Variants in MN1 observed in about 807,000 individuals in gnomAD.
MN1 encodes transcriptional activator MN1.
A neutral mutation model predicts 86.9 loss-of-function variants in MN1; 19 were observed. The observed-to-expected ratio is 0.22, with a 90% CI of 0.15 to 0.32. MN1 has a LOEUF of 0.32. Ranked by LOEUF, MN1 falls within the 10% of genes least tolerant of loss-of-function variation. The pLI, the probability that MN1 is intolerant of heterozygous loss-of-function variation, is 1.00. For missense variants in MN1, 1,841 were observed against 1,862.0 expected, an observed-to-expected ratio of 0.99 and a Z score of 0.21; for synonymous variants, 928 against 849.6, an observed-to-expected ratio of 1.09 and a Z score of -1.60.
At position 27,799,731 on chromosome 22, in the gene MN1, C is replaced by T. The variant is rs1260341681; in HGVS notation, c.813G>A (p.Pro271=). Residue 271 remains proline, a synonymous_variant, in exon 1 of 2, where the codon CCG becomes CCA. Coordinates refer to ENST00000302326, the MANE Select transcript of MN1 (RefSeq NM_002430.3). ...CAGCTCTGGGCATGGCCGAGGCGCC[C>T]GGGAAAGCGCCCCCAGGAACCTGGC... ...AGRQVPGGAF[P]GASAMPRAAG... is the part of the protein sequence containing the mutation. The T allele has an allele frequency of 6.3e-7, 1 of 1,578,226 alleles. No homozygotes were observed. Among genetic ancestry groups the T allele is most frequent in the Non-Finnish European group, 8.6e-7 (1 of 1,162,564 alleles).
chr22:27,799,263 G>A lies in MN1; in HGVS notation c.1281C>T (p.Phe427=), dbSNP rs1267000060. 1 of 1,582,426 alleles carries A rather than the reference G, an allele frequency of 6.3e-7. No individual in the cohort carries two copies. Among genetic ancestry groups the A allele is most frequent in the Admixed American group, 1.8e-5 (1 of 56,624 alleles). Residue 427 remains phenylalanine, a synonymous_variant, in exon 1 of 2, where the codon TTC becomes TTT. Transcript: ENST00000302326. ...GCTGCGGAGGAGGATGCTGCATGCT[G>A]AAAACAGGCTCGGAATAAGGGTGCA... is the stretch of plus-strand genomic sequence containing the variant. The part of the protein sequence containing the change: ...RSMHPYSEPV[F]SMQHPPPQQA...
At chr22:27,777,106 T>C (rs1395457443) in intron 1 of MN1, among the ~76,000 whole-genome samples, 1 of 152,190 alleles carries the variant, frequency 6.6e-6, no homozygotes, top group Non-Finnish European at 1.5e-5. Flanking sequence ...CCACCTTTAT[T>C]TGATTAAACC....
intron 1 of MN1, among the ~76,000 whole-genome samples, chr22:27,795,116 G>A (rs1185356194): frequency 2.6e-5 from 4 of 152,110 alleles, no homozygotes; most frequent in African/African-American, 7.2e-5. Context: ...CCAATTTATG[G>A]CCTTGCCTGG....
At chr22:27,763,684 G>A (rs5762347) in intron 1 of MN1, among the ~76,000 whole-genome samples, 64,226 of 152,152 alleles carry the variant, frequency 0.42, 14,777 homozygotes, top group East Asian at 0.63. Flanking sequence ...ACGTGGCAAT[G>A]AGCTGATCAC....
intron 1 of MN1, among the ~76,000 whole-genome samples, chr22:27,770,129 T>C (rs1205418318): frequency 6.6e-6 from 1 of 152,170 alleles, no homozygotes; most frequent in Non-Finnish European, 1.5e-5. Context: ...GAGAACACAG[T>C]CCAAGCTTCA....
Position 27,798,270 on chromosome 22 carries a change from G to C in MN1, c.2274C>G (p.His758Gln). 1 of 1,529,216 alleles carries C rather than the reference G, an allele frequency of 6.5e-7. No individual in the cohort carries two copies. Among genetic ancestry groups the C allele is most frequent in the African/African-American group, 1.4e-5 (1 of 72,016 alleles). 94.7% of individuals were successfully genotyped at this position (1,529,216 alleles called of 1,614,324 possible). Reference sequence around the variant, plus strand: ...GGGGCGAGTTCACGCCTGGACCGCTGTGCGGCGTGGACTGCCGGCCGGCTG... The same window carrying C: ...GGGGCGAGTTCACGCCTGGACCGCTCTGCGGCGTGGACTGCCGGCCGGCTG... ...FGAAGRQSTP[H>Q]SGPGVNSPPS... The change falls in exon 1 of 2, where the codon CAC (histidine) becomes CAG (glutamine). Residue 758 changes from histidine to glutamine, a missense_variant. Transcript: ENST00000302326.
intron 1 of MN1, among the ~76,000 whole-genome samples, chr22:27,752,934 G>C (rs45608835): frequency 6.6e-6 from 1 of 152,170 alleles, no homozygotes; most frequent in African/African-American, 2.4e-5. Context: ...TCACCGGCCC[G>C]CCCTGCCCTC....
intron 1 of MN1, among the ~76,000 whole-genome samples, chr22:27,788,458 TAG>T (rs1933166994): frequency 1.3e-5 from 2 of 152,108 alleles, no homozygotes; most frequent in Admixed American, 1.3e-4. Flanking sequence ...CAAAGCAGGC[TAG>T]GTTTTCTGCC....
At chr22:27,752,136 G>A (rs1169552257) in intron 1 of MN1, among the ~76,000 whole-genome samples, 1 of 152,154 alleles carries the variant, frequency 6.6e-6, no homozygotes, top group Non-Finnish European at 1.5e-5. Context: ...CCAACCTAAT[G>A]GCTGAGAGAA....
chr22:27,800,673 C>G lies in MN1; in HGVS notation c.-130G>C. 1.5e-6 allele frequency: 2 copies of G among 1,302,296 alleles called. No homozygotes were observed. The highest frequency in any genetic ancestry group is 2.1e-6 in the Non-Finnish European group (2 of 947,292). The allele number at this position is 1,302,296 out of a possible 1,614,324, so 80.7% of individuals were successfully genotyped here. Reference sequence around the variant, plus strand: ...CGCTCAGCACCGCGGGGGCTCAGCGCGCACCTCCACCCCGCCTGATGTGAG... The same window carrying G: ...CGCTCAGCACCGCGGGGGCTCAGCGGGCACCTCCACCCCGCCTGATGTGAG... On this transcript the variant is annotated 5_prime_UTR_variant, in exon 1 of 2. Coordinates refer to ENST00000302326, the MANE Select transcript of MN1 (RefSeq NM_002430.3).
chr22:27,785,839 G>A (rs1397416055), intron 1 of MN1, among the ~76,000 whole-genome samples: 2 of 147,318 alleles, frequency 1.4e-5, no homozygotes, highest in Non-Finnish European at 1.5e-5. Flanking sequence ...CGTAATTACC[G>A]GAAACGACTC....
At chr22:27,774,083 C>G (rs530611024) in intron 1 of MN1, among the ~76,000 whole-genome samples, 1 of 152,198 alleles carries the variant, frequency 6.6e-6, no homozygotes, top group Non-Finnish European at 1.5e-5. Flanking sequence ...CTTCACCTCC[C>G]GTGTGCCCAG....
At chr22:27,761,960 G>A (rs1185267122) in intron 1 of MN1, among the ~76,000 whole-genome samples, 3 of 152,218 alleles carry the variant, frequency 2.0e-5, no homozygotes, top group Non-Finnish European at 4.4e-5. Flanking sequence ...GGGAATGCGG[G>A]GGGAGGCTGA....
Position 27,797,958 on chromosome 22 carries a change from C to A in MN1, c.2586G>T (p.Gln862His). 6.3e-7 allele frequency: 1 copy of A among 1,594,570 alleles called. No individual in the cohort carries two copies. The change falls in exon 1 of 2, where the codon CAG becomes CAT. Residue 862 changes from glutamine to histidine, a missense_variant. Coordinates refer to ENST00000302326, the MANE Select transcript of MN1 (RefSeq NM_002430.3). ...NPPEGKRKLS[Q>H]NETDGAAVAG... is the part of the protein sequence containing the mutation. ...CCACTGCCGCGCCGTCGGTCTCGTTCTGGCTCAGTTTCCTCTTGCCCTCTG... is the reference window on the plus strand; with the variant it reads ...CCACTGCCGCGCCGTCGGTCTCGTTATGGCTCAGTTTCCTCTTGCCCTCTG...
intron 1 of MN1, among the ~76,000 whole-genome samples, chr22:27,794,530 G>C (rs1297161817): frequency 6.6e-6 from 1 of 152,178 alleles, no homozygotes; most frequent in Non-Finnish European, 1.5e-5. Context: ...TAGCTTACAG[G>C]AGAAATCAAC....
intron 1 of MN1, among the ~76,000 whole-genome samples, chr22:27,760,898 G>T (rs1932830229): frequency 6.6e-6 from 1 of 152,216 alleles, no homozygotes; most frequent in African/African-American, 2.4e-5. Context: ...TGACCTGCAG[G>T]CTCAGTCGGT....
intron 1 of MN1, among the ~76,000 whole-genome samples, chr22:27,771,865 A>T (rs1398700929): frequency 6.6e-6 from 1 of 152,180 alleles, no homozygotes; most frequent in African/African-American, 2.4e-5. Flanking sequence ...TAATTTGCCC[A>T]AGGTCCCACA....
chr22:27,800,436 G>A lies in MN1; in HGVS notation c.108C>T (p.Ala36=). 2 of 1,614,222 alleles carry A rather than the reference G, an allele frequency of 1.2e-6. No homozygotes were observed. Among genetic ancestry groups the A allele is most frequent in the South Asian group, 1.1e-5 (1 of 91,090 alleles). The change falls in exon 1 of 2, where the codon GCC becomes GCT. Residue 36 remains alanine, a synonymous_variant. Coordinates refer to ENST00000302326, the MANE Select transcript of MN1 (RefSeq NM_002430.3). ...GGGGCCCCCCAGTGTGGAAAGCCGG[G>A]GCCTTAAAGTGGGTGTTCATGCTCA... ...TGLSMNTHFK[A]PAFHTGGPPG...
Position 27,797,091 on chromosome 22 carries a change from G to T in MN1, c.3453C>A (p.His1151Gln). The T allele has an allele frequency of 1.2e-6, 2 of 1,608,630 alleles. No individual in the cohort carries two copies. Among genetic ancestry groups the T allele is most frequent in the Non-Finnish European group, 1.7e-6 (2 of 1,178,204 alleles). ...TCTGCGCCTGAAGGATCTCCAGGGG[G>T]TGGATCTCGTCGGGTGGCGGGGCGC... The part of the protein sequence containing the change: ...SSGAPPPDEI[H>Q]PLEILQAQIQ... Residue 1151 changes from histidine (H) to glutamine (Q), a missense_variant, in exon 1 of 2, where the codon CAC (histidine) becomes CAA (glutamine). Transcript: ENST00000302326.
Sources: gnomAD v4.1 joint callset for allele counts (sites outside exome capture counted in the v4.1 genomes callset) on GRCh38, gnomAD v4.1.1 for gene constraint, MANE v1.5 for transcripts, NCBI Gene and HGNC (gene_info 2026-07-23, HGNC 2026-07-21) for gene names.